Variants in SRGAP3 observed in about 807,000 individuals in gnomAD.
The protein encoded by SRGAP3 is SLIT-ROBO Rho GTPase-activating protein 3.
In SRGAP3, 39 loss-of-function variants were observed where a neutral mutation model predicts 121.1. The observed-to-expected ratio is 0.32, with a 90% CI of 0.25 to 0.42. The LOEUF is 0.42. Ranked by LOEUF, SRGAP3 falls within the 10% of genes least tolerant of loss-of-function variation. The pLI is 1.00. For missense variants in SRGAP3, 1,213 were observed against 1,470.6 expected, an observed-to-expected ratio of 0.82 and a Z score of 2.86; for synonymous variants, 601 against 570.0, an observed-to-expected ratio of 1.05 and a Z score of -0.77.
chr3:9,231,870 G>A (rs895613494), intron 1 of SRGAP3, among the ~76,000 whole-genome samples: 2 of 152,188 alleles, frequency 1.3e-5, no homozygotes, highest in Admixed American at 1.3e-4. Context: ...TTTCACAGAT[G>A]AGGAAGCCAA....
intron 1 of SRGAP3, among the ~76,000 whole-genome samples, chr3:9,200,800 A>G (rs1952045030): frequency 6.6e-6 from 1 of 152,154 alleles, no homozygotes; most frequent in Non-Finnish European, 1.5e-5. Flanking sequence ...TCCACCATAG[A>G]CGTATTGAAT....
intron 2 of SRGAP3, among the ~76,000 whole-genome samples, chr3:9,116,672 G>A (rs1412633330): frequency 1.3e-5 from 2 of 152,138 alleles, no homozygotes; most frequent in Non-Finnish European, 2.9e-5. Context: ...GGATATGGTC[G>A]ACATGCATGG....
At chr3:9,252,505 C>A (rs1288404766), upstream of SRGAP3, among the ~76,000 whole-genome samples, 2 of 152,108 alleles carry the variant, frequency 1.3e-5, no homozygotes, top group Non-Finnish European at 2.9e-5. Flanking sequence ...CAAGCCAGAC[C>A]TAGGACTAGA....
chr3:9,012,492 G>A (rs1442044759), intron 17 of SRGAP3, among the ~76,000 whole-genome samples: 1 of 152,172 alleles, frequency 6.6e-6, no homozygotes, highest in Non-Finnish European at 1.5e-5. Context: ...CCCTGACTTT[G>A]AAAAGGTTCT....
At chr3:9,335,383 A>T (rs953444408) in intron 1 of SRGAP3, among the ~76,000 whole-genome samples, 1 of 152,218 alleles carries the variant, frequency 6.6e-6, no homozygotes, top group Non-Finnish European at 1.5e-5. Flanking sequence ...TAATTTTTTT[A>T]AATGGAAAAC....
intron 1 of SRGAP3, among the ~76,000 whole-genome samples, chr3:9,147,499 C>G (rs1243928333): frequency 2.0e-5 from 3 of 152,156 alleles, no homozygotes; most frequent in African/African-American, 7.2e-5. Flanking sequence ...ACCTGAGCCC[C>G]GGACTAGGTG....
chr3:8,990,853 AG>A lies in SRGAP3; in HGVS notation c.2559-15del. 1.3e-6 allele frequency: 2 copies of A among 1,496,676 alleles called. No individual in the cohort carries two copies. Among genetic ancestry groups the A allele is most frequent in the Non-Finnish European group, 1.8e-6 (2 of 1,131,166 alleles). The allele number at this position is 1,496,676 out of a possible 1,614,324, so 92.7% of individuals were successfully genotyped here. On this transcript the variant is annotated splice_polypyrimidine_tract_variant and intron_variant, in intron 20 of 21. Transcript: ENST00000383836. ...CGTAACCGCACTCTGCAAAGGAGCC[AG>A]GGGGCGAGGGGCATGGGGCAGAGGT...
chr3:9,073,422 G>A (rs973672996), intron 4 of SRGAP3, among the ~76,000 whole-genome samples: 2 of 152,246 alleles, frequency 1.3e-5, no homozygotes, highest in Admixed American at 6.5e-5. Flanking sequence ...CGGGATTACA[G>A]GCGTGAGCCA....
At chr3:9,298,136 A>G (rs1450390767) in intron 3 of SRGAP3, among the ~76,000 whole-genome samples, 2 of 152,206 alleles carry the variant, frequency 1.3e-5, no homozygotes, top group Non-Finnish European at 2.9e-5. Flanking sequence ...GCCTTAGCAC[A>G]CTAATACACT....
At chr3:9,034,621 G>A (rs1224525469) in intron 11 of SRGAP3, 2 of 152,200 alleles carry the variant, frequency 1.3e-5, no homozygotes, top group Non-Finnish European at 2.9e-5. Flanking sequence ...TAACAGCACA[G>A]ATCAAAATTT....
intron 1 of SRGAP3, among the ~76,000 whole-genome samples, chr3:9,337,130 G>A (rs1336195741): frequency 6.6e-6 from 1 of 152,200 alleles, no homozygotes; most frequent in Non-Finnish European, 1.5e-5. Context: ...AAGTCAGTCA[G>A]GCAGGCAAAG....
chr3:9,066,660 C>A (rs560915372), intron 4 of SRGAP3, among the ~76,000 whole-genome samples: 1 of 152,116 alleles, frequency 6.6e-6, no homozygotes, highest in Non-Finnish European at 1.5e-5. Flanking sequence ...CCACAATGCC[C>A]GGCTAATGTT....
intron 2 of SRGAP3, among the ~76,000 whole-genome samples, chr3:9,105,341 C>A (rs927839916): frequency 6.6e-6 from 1 of 152,288 alleles, no homozygotes. Context: ...GAAACACATG[C>A]CTTTGCCCCT....
chr3:9,208,092 T>A (rs1429061724), intron 1 of SRGAP3, among the ~76,000 whole-genome samples: 1 of 152,076 alleles, frequency 6.6e-6, no homozygotes, highest in Admixed American at 6.5e-5. Context: ...AAATGATTCA[T>A]CTTTGTGTGG....
In SRGAP3 at chr3:9,278,741, G is replaced by A. The variant is rs554117099; in HGVS notation, n.442+47269C>T. Among the ~76,000 whole-genome samples the A allele has an allele frequency of 8.5e-5, 13 of 152,302 alleles. No individual in the cohort carries two copies. In the East Asian group the frequency reaches 2.1e-3, roughly 25 times the overall value. On this transcript the variant is annotated intron_variant and non_coding_transcript_variant, in intron 3 of 3. Coordinates refer to the SRGAP3 transcript ENST00000490889. ...CACTTCTCTGAACCTTGGTGTCCTC[G>A]TGAATGGGGATGTACCAGACTCTTT...
intron 3 of SRGAP3, among the ~76,000 whole-genome samples, chr3:9,302,826 G>A (rs867369936): frequency 6.6e-6 from 1 of 152,094 alleles, no homozygotes; most frequent in Non-Finnish European, 1.5e-5. Flanking sequence ...GGTACAAGGG[G>A]GAGAGGCTCT....
In SRGAP3 at chr3:9,136,276, C is replaced by T. The variant is rs1386488125; in HGVS notation, c.68-11359G>A. Among the ~76,000 whole-genome samples, 5 of 152,296 alleles carry T rather than the reference C, an allele frequency of 3.3e-5. No homozygotes were observed. The South Asian group carries it at 8.3e-4, about 25-fold the overall frequency. ...TAGCCTCCTGTACACCGAGAGGCGG[C>T]TTCCGGGACGGCCCCGAGGGTCCGC... On this transcript the variant is annotated intron_variant, in intron 1 of 21. Coordinates refer to ENST00000383836, the MANE Select transcript of SRGAP3 (RefSeq NM_014850.4).
At chr3:9,001,830 CATA>C (rs1409203064) in intron 18 of SRGAP3, among the ~76,000 whole-genome samples, 2 of 152,040 alleles carry the variant, frequency 1.3e-5, no homozygotes, top group Non-Finnish European at 2.9e-5. Context: ...GGCAGCATTT[CATA>C]ATGATAAAAA....
rs1408621741 is a variant in SRGAP3 at position 9,069,756 on chromosome 3, G to A, written c.487-5175C>T. Among the ~76,000 whole-genome samples the A allele has an allele frequency of 7.2e-5, 11 of 152,286 alleles. No homozygotes were observed. The South Asian group carries it at 2.1e-3, about 29-fold the overall frequency. ...AAGATCAGGAGTTTGAGACCAGCCT[G>A]GCCAACATAGTGAAACCCTGTCTCT... On this transcript the variant is annotated intron_variant, in intron 4 of 21. Coordinates refer to ENST00000383836, the MANE Select transcript of SRGAP3 (RefSeq NM_014850.4).
Sources: gnomAD v4.1 joint callset for allele counts (sites outside exome capture counted in the v4.1 genomes callset) on GRCh38, gnomAD v4.1.1 for gene constraint, MANE v1.5 for transcripts, NCBI Gene and HGNC (gene_info 2026-07-23, HGNC 2026-07-21) for gene names.